The following PTPRD variants were observed in gnomAD, a reference collection of about 807,000 sequenced individuals.
The protein encoded by PTPRD is receptor-type tyrosine-protein phosphatase delta.
In PTPRD, 34 loss-of-function variants were observed where a neutral mutation model predicts 214.5. The observed-to-expected ratio is 0.16, with a 90% CI of 0.12 to 0.21. The LOEUF (loss-of-function observed/expected upper bound fraction) is 0.21, where lower values mean the gene tolerates loss of function less well. Among genes scored for constraint, PTPRD ranks in the 10% least tolerant of loss-of-function variants. PTPRD has a pLI of 1.00. For synonymous variants in PTPRD, 1,128 were observed against 845.7 expected (o/e 1.33, Z -5.79); for missense variants, 2,545 against 2,398.7 (o/e 1.06, Z -1.27).
At chr9:8,956,705 A>G (rs183008369) in intron 11 of PTPRD, among the ~76,000 whole-genome samples, 2 of 151,958 alleles carry the variant, frequency 1.3e-5, no homozygotes, top group African/African-American at 4.8e-5. Flanking sequence ...CAGAAGCAGA[A>G]CATTTATTTC....
At chr9:8,433,555 T>C (rs2095195823) in intron 35 of PTPRD, among the ~76,000 whole-genome samples, 1 of 152,216 alleles carries the variant, frequency 6.6e-6, no homozygotes, top group Admixed American at 6.5e-5. Flanking sequence ...GTGATATTGA[T>C]GATTCTGACT....
intron 7 of PTPRD, among the ~76,000 whole-genome samples, chr9:9,607,089 G>A (rs920948774): frequency 2.7e-4 from 40 of 148,032 alleles, no homozygotes; most frequent in South Asian, 6.5e-4. Context: ...CACGTGGCCT[G>A]TAACACTCTT....
At chr9:8,354,075 A>C (rs534348919) in intron 39 of PTPRD, among the ~76,000 whole-genome samples, 1 of 149,418 alleles carries the variant, frequency 6.7e-6, no homozygotes, top group South Asian at 2.1e-4. Flanking sequence ...CATATTTTTT[A>C]AATATGTCTT....
chr9:10,176,785 G>C (rs1040929792), intron 3 of PTPRD, among the ~76,000 whole-genome samples: 1 of 151,896 alleles, frequency 6.6e-6, no homozygotes. Context: ...TTCCAAAGAA[G>C]AAAAACTGTG....
Position 8,710,393 on chromosome 9 carries a change from G to A in PTPRD, c.64+23387C>T, listed in dbSNP as rs370645670. ...GCACTCTGGGAAGCCAAGGCGGTGG[G>A]TCACTTGAGCCCATGAGTTTGAGAC... On this transcript the variant is annotated intron_variant, in intron 12 of 45. Transcript: ENST00000381196. Among the ~76,000 whole-genome samples, 726 of 152,146 alleles carry A rather than the reference G, an allele frequency of 4.8e-3. 10 individuals are homozygous for A. Among genetic ancestry groups the A allele is most frequent in the African/African-American group, 0.016 (675 of 41,508 alleles).
intron 3 of PTPRD, among the ~76,000 whole-genome samples, chr9:10,233,904 T>A (rs2099620502): frequency 1.3e-5 from 2 of 151,920 alleles, no homozygotes; most frequent in Non-Finnish European, 2.9e-5. Flanking sequence ...TTACCTTTAA[T>A]TGGAATCACT....
intron 36 of PTPRD, among the ~76,000 whole-genome samples, chr9:8,396,759 G>C (rs909632992): frequency 1.6e-4 from 24 of 152,138 alleles, no homozygotes; most frequent in Admixed American, 1.4e-3. Context: ...CTACATGTAA[G>C]AGAAAGATGC....
intron 12 of PTPRD, among the ~76,000 whole-genome samples, chr9:8,657,602 T>G (rs750696252): frequency 4.6e-5 from 7 of 152,264 alleles, no homozygotes; most frequent in Non-Finnish European, 8.8e-5. Flanking sequence ...CCGTTCAGTC[T>G]GGATAATAGT....
chr9:8,735,849 T>A (rs1165227787), intron 11 of PTPRD, among the ~76,000 whole-genome samples: 14 of 149,846 alleles, frequency 9.3e-5, no homozygotes, highest in Admixed American at 9.3e-4. Context: ...GAGACAGAGG[T>A]TTTGGTGAGC....
intron 7 of PTPRD, among the ~76,000 whole-genome samples, chr9:9,731,540 A>T (rs2098192441): frequency 6.6e-6 from 1 of 152,070 alleles, no homozygotes. Context: ...TACATGTGCC[A>T]TGTTGGTATG....
chr9:8,641,227 T>C (rs909794407), intron 12 of PTPRD, among the ~76,000 whole-genome samples: 1 of 148,340 alleles, frequency 6.7e-6, no homozygotes, highest in African/African-American at 2.6e-5. Context: ...AGTCACAACA[T>C]AGGACAGACT....
intron 7 of PTPRD, among the ~76,000 whole-genome samples, chr9:9,654,641 T>G (rs995109756): frequency 1.3e-5 from 2 of 152,178 alleles, no homozygotes; most frequent in Non-Finnish European, 2.9e-5. Context: ...TACATTCCCA[T>G]GTTTGGTTAT....
In PTPRD at chr9:8,769,967, C is replaced by G. The variant is rs569252401; in HGVS notation, c.-103-36021G>C. Among the ~76,000 whole-genome samples the G allele has an allele frequency of 8.9e-4, 136 of 152,252 alleles. 1 individual carries two copies. The highest frequency in any genetic ancestry group is 3.4e-3 in the Middle Eastern group (1 of 294). On this transcript the variant is annotated intron_variant, in intron 11 of 45. Coordinates refer to ENST00000381196, the MANE Select transcript of PTPRD (RefSeq NM_002839.4). ...GCCAAATATTACAGTGCTAAGACAGCTATGAGTGAAAACTGTCTGATTGAA... is the reference window on the plus strand; with the variant it reads ...GCCAAATATTACAGTGCTAAGACAGGTATGAGTGAAAACTGTCTGATTGAA...
intron 11 of PTPRD, among the ~76,000 whole-genome samples, chr9:8,797,822 T>G (rs1176606011): frequency 6.6e-6 from 1 of 152,200 alleles, no homozygotes; most frequent in Non-Finnish European, 1.5e-5. Flanking sequence ...ATTTATTCAC[T>G]TTAGTGTCTA....
intron 6 of PTPRD, among the ~76,000 whole-genome samples, chr9:9,749,825 C>T (rs1255260820): frequency 6.6e-6 from 1 of 152,044 alleles, no homozygotes; most frequent in Non-Finnish European, 1.5e-5. Flanking sequence ...CTCTTTCCTC[C>T]CCTCATCCAT....
At chr9:9,414,054 ACCT>A (rs1390844579) in intron 8 of PTPRD, among the ~76,000 whole-genome samples, 1 of 152,198 alleles carries the variant, frequency 6.6e-6, no homozygotes. Context: ...TTGAGAATTC[ACCT>A]CCTATTATTT....
chr9:8,881,970 G>A (rs1209253131), intron 11 of PTPRD, among the ~76,000 whole-genome samples: 3 of 152,162 alleles, frequency 2.0e-5, no homozygotes, highest in East Asian at 1.9e-4. Context: ...TTCCTGCTGG[G>A]TGGGATTGGG....
chr9:8,579,073 C>G (rs553926798), intron 14 of PTPRD, among the ~76,000 whole-genome samples: 1 of 152,250 alleles, frequency 6.6e-6, no homozygotes, highest in South Asian at 2.1e-4. Flanking sequence ...GATTTTAAAA[C>G]TTAATAATAA....
chr9:9,602,938 T>C (rs2093885072), intron 7 of PTPRD, among the ~76,000 whole-genome samples: 1 of 152,138 alleles, frequency 6.6e-6, no homozygotes. Flanking sequence ...CTGGATAAAA[T>C]TATTTTTTTA....
Sources: gnomAD v4.1 joint callset for allele counts (sites outside exome capture counted in the v4.1 genomes callset) on GRCh38, gnomAD v4.1.1 for gene constraint, MANE v1.5 for transcripts, NCBI Gene and HGNC (gene_info 2026-07-23, HGNC 2026-07-21) for gene names.